NLRP5: variants seen among roughly 807,000 people sequenced by gnomAD.
The protein encoded by NLRP5 is NACHT, LRR and PYD domains-containing protein 5.
In NLRP5, 93 loss-of-function variants were observed where a neutral mutation model predicts 113.1. That is an observed-to-expected ratio of 0.82 (90% confidence interval 0.70 to 0.98). NLRP5 has a LOEUF of 0.98. Ranked by LOEUF, NLRP5 falls within the 50% of genes least tolerant of loss-of-function variation. The probability of loss-of-function intolerance (pLI) is 0.00; values close to 1 mark genes in which losing one functional copy is unlikely to be tolerated. For missense variants in NLRP5, 1,808 were observed against 1,514.3 expected (o/e 1.19, Z -3.22); for synonymous variants, 751 against 600.7 (o/e 1.25, Z -3.66).
At chr19:55,988,815 T>A in the NLRP5 span, among the ~76,000 whole-genome samples, 1 of 152,170 alleles carries the variant, frequency 6.6e-6, no homozygotes. Context: ...CAAATAACCT[T>A]CCTTCTTAAT....
At chr19:56,044,989 G>A (rs1983669831) in intron 11 of NLRP5, among the ~76,000 whole-genome samples, 2 of 152,162 alleles carry the variant, frequency 1.3e-5, no homozygotes, top group African/African-American at 4.8e-5. Flanking sequence ...TGTAAAAGGG[G>A]TTGAGTTCTT....
chr19:56,055,453 TTTC>T (rs1984096317), intron 13 of NLRP5, among the ~76,000 whole-genome samples: 1 of 151,754 alleles, frequency 6.6e-6, no homozygotes, highest in Admixed American at 6.6e-5. Flanking sequence ...CTTTATCTTA[TTTC>T]TTATTAAATC....
At position 56,027,910 on chromosome 19, in the gene NLRP5, T is replaced by A. The variant is rs755795875; in HGVS notation, c.1677T>A (p.Ser559=). Residue 559 remains serine, a synonymous_variant, in exon 7 of 15, where the codon TCT becomes TCA. Transcript: ENST00000390649. Reference sequence around the variant, plus strand: ...TCATGGTTCAAGGACTCGGGGAGTCTGAGCTCCGTGCTCTGTTTCACATGA... The same window carrying A: ...TCATGGTTCAAGGACTCGGGGAGTCAGAGCTCCGTGCTCTGTTTCACATGA... 1 of 1,613,852 alleles carries A rather than the reference T, an allele frequency of 6.2e-7. No individual in the cohort carries two copies. The highest frequency in any genetic ancestry group is 8.5e-7 in the Non-Finnish European group (1 of 1,179,824).
rs376032104 is a variant in NLRP5 at position 56,027,565 on chromosome 19, C to T, written c.1332C>T (p.Arg444=). 16 of 1,613,816 alleles carry T rather than the reference C, an allele frequency of 9.9e-6. No homozygotes were observed. Among genetic ancestry groups the T allele is most frequent in the African/African-American group, 4.0e-5 (3 of 74,920 alleles). Residue 444 remains arginine, a synonymous_variant, in exon 7 of 15, where the codon CGC becomes CGT. Transcript: ENST00000390649. ...AAAGAATCCACTTGCTCCTTGAGCG[C>T]GGGATTGGTGAGCATCAGAAGACAC...
At chr19:56,060,224 G>A (rs1984300958) in intron 14 of NLRP5, among the ~76,000 whole-genome samples, 1 of 152,214 alleles carries the variant, frequency 6.6e-6, no homozygotes, top group African/African-American at 2.4e-5. Flanking sequence ...TGGATTTACT[G>A]ATTGACCTAT....
intron 13 of NLRP5, among the ~76,000 whole-genome samples, chr19:56,056,878 G>A (rs537444620): frequency 5.3e-5 from 8 of 152,268 alleles, no homozygotes; most frequent in Admixed American, 1.3e-4. Flanking sequence ...GGTGGTGCAC[G>A]CCTGTAATCC....
chr19:55,997,378 G>A (rs1350660670), upstream of NLRP5, among the ~76,000 whole-genome samples: 1 of 152,004 alleles, frequency 6.6e-6, no homozygotes, highest in Non-Finnish European at 1.5e-5. Flanking sequence ...AAAGATTTTT[G>A]TATCTATGTT....
intron 4 of NLRP5, chr19:56,018,830 A>C (rs59313894): frequency 0.027 from 4,133 of 153,352 alleles, 197 homozygotes; most frequent in African/African-American, 0.094. Flanking sequence ...TTGTATTCTT[A>C]TTATTATTTT....
chr19:56,043,740 T>C (rs560136179), intron 11 of NLRP5, among the ~76,000 whole-genome samples: 1 of 151,246 alleles, frequency 6.6e-6, no homozygotes, highest in South Asian at 2.1e-4. Context: ...ACCCGGCTAA[T>C]TTTTTTGTGT....
At chr19:56,029,788 G>A (rs1983021319) in intron 7 of NLRP5, among the ~76,000 whole-genome samples, 1 of 151,564 alleles carries the variant, frequency 6.6e-6, no homozygotes, top group African/African-American at 2.4e-5. Flanking sequence ...TGGGTGCAGT[G>A]GATCATGCTT....
intron 11 of NLRP5, among the ~76,000 whole-genome samples, chr19:56,046,102 G>T (rs527857824): frequency 3.9e-4 from 60 of 152,284 alleles, no homozygotes; most frequent in Middle Eastern, 3.4e-3. Flanking sequence ...GTCATAGATA[G>T]CTTTTATTAC....
the NLRP5 span, among the ~76,000 whole-genome samples, chr19:55,991,103 T>G: frequency 6.6e-6 from 1 of 152,206 alleles, no homozygotes; most frequent in Admixed American, 6.5e-5. Flanking sequence ...CAGCGGGACT[T>G]TAAAGATTTG....
chr19:55,997,048 T>C (rs1981348503), upstream of NLRP5, among the ~76,000 whole-genome samples: 3 of 152,218 alleles, frequency 2.0e-5, no homozygotes, highest in African/African-American at 7.2e-5. Context: ...TGGGATGGTA[T>C]CTCATTGTGG....
intron 8 of NLRP5, 92 bp downstream of exon 8, chr19:56,032,873 A>C: frequency 7.8e-7 from 1 of 1,288,494 alleles, no homozygotes; most frequent in Non-Finnish European, 1.1e-6. Context: ...GAAGCCTTTC[A>C]AGTGCAGCCT....
At chr19:56,009,339 CAAAAAAAAAA>C (rs71296979) in intron 3 of NLRP5, among the ~76,000 whole-genome samples, 3 of 44,318 alleles carry the variant, frequency 6.8e-5, no homozygotes, top group Middle Eastern at 0.029. Flanking sequence ...GACTCCATCT[CAAAAAAAAAA>C]AAAAAAAAAA....
intron 11 of NLRP5, among the ~76,000 whole-genome samples, chr19:56,046,596 A>G (rs1439460425): frequency 1.3e-5 from 2 of 151,610 alleles, no homozygotes; most frequent in African/African-American, 2.4e-5. Context: ...GCTGGAGTGC[A>G]GTGGCGCGAT....
At position 56,053,660 on chromosome 19, in the gene NLRP5, G is replaced by A. The variant is rs374153940; in HGVS notation, c.3151G>A (p.Ala1051Thr). 5.0e-5 allele frequency: 80 copies of A among 1,613,718 alleles called. No homozygotes were observed. The African/African-American group carries it at 8.1e-4, about 16-fold the overall frequency. The change falls in exon 13 of 15, where the codon GCC becomes ACC. Residue 1051 changes from alanine to threonine, a missense_variant. Transcript: ENST00000390649. ...CAGGTTGGTAAAGTGTCATCTCACC[G>A]CCGCGTGCTGTGAGAGTCTGTCCTG...
At chr19:56,019,164 G>C in intron 4 of NLRP5, 178 bp from the exon 5 acceptor site, 1 of 668,478 alleles carries the variant, frequency 1.5e-6, no homozygotes, top group Non-Finnish European at 2.6e-6. Context: ...TCACCCTCAA[G>C]CTTTGAATTA....
rs372089136 is a variant in NLRP5 at position 56,020,389 on chromosome 19, A to G, written c.637A>G (p.Met213Val). 7.4e-6 allele frequency: 12 copies of G among 1,613,010 alleles called. No homozygotes were observed. The highest frequency in any genetic ancestry group is 4.0e-5 in the African/African-American group (3 of 74,694). Residue 213 changes from methionine (M) to valine (V), a missense_variant, in exon 6 of 15, where the codon ATG becomes GTG. Coordinates refer to ENST00000390649, the MANE Select transcript of NLRP5 (RefSeq NM_153447.4). ...TTCTTTTGCAGAAATTTCACAAGCT[A>G]TGGAACAAGAAGGTGCCACAGCAGC...
Sources: allele counts gnomAD v4.1 joint callset (sites outside exome capture counted in the v4.1 genomes callset), GRCh38; gene constraint gnomAD v4.1.1; transcripts MANE v1.5; gene names NCBI Gene and HGNC (gene_info 2026-07-23, HGNC 2026-07-21).